ASPDH: variants seen among roughly 807,000 people sequenced by gnomAD.
ASPDH encodes the protein aspartate dehydrogenase domain containing, also known as aspartate dehydrogenase domain-containing protein.
In ASPDH, 25 loss-of-function variants were observed where a neutral mutation model predicts 30.5. The ratio of observed to expected loss-of-function variants is 0.82; its 90% confidence interval spans 0.60 to 1.14. The LOEUF is 1.14. Ranked by LOEUF, ASPDH falls within the 50% of genes most tolerant of loss-of-function variation. The pLI is 0.00. For synonymous variants in ASPDH, 168 were observed against 156.3 expected (o/e 1.07, Z -0.56); for missense variants, 401 against 381.5 (o/e 1.05, Z -0.43).
chr19:50,514,377 G>C (rs978708940), upstream of ASPDH: 1 of 1,524,296 alleles, frequency 6.6e-7, no homozygotes, highest in Non-Finnish European at 9.1e-7. Flanking sequence ...TTGCCTCAGC[G>C]GGTCCAACCT....
In ASPDH at chr19:50,512,745, G is replaced by C; in HGVS notation, c.348C>G (p.His116Gln). Residue 116 changes from histidine (H) to glutamine (Q), a missense_variant, in exon 4 of 7, where the codon CAC (histidine) becomes CAG (glutamine). His to Gln is a conservative substitution (Grantham distance 24). Coordinates refer to ENST00000389208, the MANE Select transcript of ASPDH (RefSeq NM_001114598.2). ...GGGCCACAAACACGGCGTGGTCCCAGTGCTGTGAGGCCTCCAAGAGCTGCC... is the reference window on the plus strand; with the variant it reads ...GGGCCACAAACACGGCGTGGTCCCACTGCTGTGAGGCCTCCAAGAGCTGCC... ...TERQLLEASQHWDHAVFVARG... is the reference protein window; with the variant it reads ...TERQLLEASQQWDHAVFVARG... The C allele has an allele frequency of 6.4e-7, 1 of 1,557,826 alleles. No homozygotes were observed. The highest frequency in any genetic ancestry group is 1.2e-5 in the South Asian group (1 of 85,228).
chr19:50,512,285 G>T lies in ASPDH; in HGVS notation c.659C>A (p.Thr220Lys), dbSNP rs991865104. The T allele has an allele frequency of 6.2e-7, 1 of 1,613,774 alleles. No individual in the cohort carries two copies. The highest frequency in any genetic ancestry group is 2.2e-5 in the East Asian group (1 of 44,884). Reference protein sequence around the residue: ...IGVLVADTSLTDMHVVDVELS... With the variant: ...IGVLVADTSLKDMHVVDVELS... ...CTCTACATCCACCACGTGCATGTCCGTGAGGCTGGGACAAGAGGGGCAGTC... is the reference window on the plus strand; with the variant it reads ...CTCTACATCCACCACGTGCATGTCCTTGAGGCTGGGACAAGAGGGGCAGTC... Residue 220 changes from threonine (T) to lysine (K), a missense_variant, in exon 6 of 7, where the codon ACG (threonine) becomes AAG (lysine). Coordinates refer to ENST00000389208, the MANE Select transcript of ASPDH (RefSeq NM_001114598.2).
Position 50,513,125 on chromosome 19 carries a change from A to C in ASPDH, c.198-114T>G. 7.9e-7 allele frequency: 1 copy of C among 1,271,860 alleles called. No homozygotes were observed. Among genetic ancestry groups the C allele is most frequent in the Non-Finnish European group, 1.1e-6 (1 of 919,284 alleles). 78.8% of individuals were successfully genotyped at this position (1,271,860 alleles called of 1,614,324 possible). A position where few individuals can be genotyped will look rare whatever the true frequency, so the allele number is the denominator to read the frequency against. On this transcript the variant is annotated intron_variant, in intron 2 of 6. Coordinates refer to ENST00000389208, the MANE Select transcript of ASPDH (RefSeq NM_001114598.2). The surrounding 1 kb of genome is among the most constrained non-coding windows in gnomAD (Gnocchi z 4.9). ...CTTCTTCTCCCTGACCTGGGAGGCG[A>C]AATGAGATGAATGGGTTCGTCCTGT...
rs773752899 is a variant in ASPDH, at chr19:50,512,164, G to T, written c.780C>A (p.Thr260=). Residue 260 remains threonine (T), a synonymous_variant, in exon 6 of 7, where the codon ACC becomes ACA. Coordinates refer to ENST00000389208, the MANE Select transcript of ASPDH (RefSeq NM_001114598.2). ...AEPGAVTGSA[T]VTAFWQSLLA... is the part of the protein sequence containing the mutation. ...GGAGGCTCTGCCAGAAGGCCGTGAC[G>T]GTGGCGGAGCCGGTGACCGCGCCTG... is the stretch of plus-strand genomic sequence containing the variant. 6.3e-7 allele frequency: 1 copy of T among 1,584,554 alleles called. No individual in the cohort carries two copies. The highest frequency in any genetic ancestry group is 1.1e-5 in the South Asian group (1 of 88,316).
chr19:50,512,030 G>C, intron 6 of ASPDH, 106 bp downstream of exon 6: 1 of 985,104 alleles, frequency 1.0e-6, no homozygotes, highest in South Asian at 1.7e-5. Flanking sequence ...AAGAAAGAAA[G>C]GTCAACAAAT....
Position 50,512,929 on chromosome 19 carries a change from G to A in ASPDH, c.280C>T (p.Leu94=), listed in dbSNP as rs759824880. ...TAAATGGTTGGGGTGGGGCTTACCA[G>A]GAGATTGGCATGGCGCAGGATTTGT... ...GAQILRHANL[L]VGSPSALSDQ... Residue 94 remains leucine, a splice_region_variant and synonymous_variant, in exon 3 of 7, where the codon CTG becomes TTG. Transcript: ENST00000389208. The A allele has an allele frequency of 6.2e-7, 1 of 1,612,972 alleles. No individual in the cohort carries two copies. Among genetic ancestry groups the A allele is most frequent in the Admixed American group, 1.7e-5 (1 of 59,852 alleles).
In ASPDH at chr19:50,513,459, G is replaced by A. The variant is rs1980086802; in HGVS notation, c.53-43C>T. On this transcript the variant is annotated intron_variant, in intron 1 of 6. Coordinates refer to ENST00000389208, the MANE Select transcript of ASPDH (RefSeq NM_001114598.2). The surrounding 1 kb of genome is among the most constrained non-coding windows in gnomAD (Gnocchi z 4.9). ...AGAGGGCTAGAGATCCAGAGAGAGG[G>A]GGACAGAGACCCAGAGAGAGAGGAG... is the stretch of plus-strand genomic sequence containing the variant. The A allele has an allele frequency of 4.1e-6, 6 of 1,451,182 alleles. No homozygotes were observed. Among genetic ancestry groups the A allele is most frequent in the African/African-American group, 2.9e-5 (2 of 67,850 alleles). 89.9% of individuals were successfully genotyped at this position (1,451,182 alleles called of 1,614,324 possible).
Position 50,513,808 on chromosome 19 carries a change from G to A in ASPDH, c.16C>T (p.Pro6Ser), listed in dbSNP as rs767251459. The A allele has an allele frequency of 1.9e-6, 3 of 1,550,724 alleles. No individual in the cohort carries two copies. The South Asian group carries it at 3.6e-5, about 18-fold the overall frequency. MADRG[P>S]WRVGVVGYGR... ...TAGCCCACCACGCCCACCCTCCACG[G>A]GCCCCTGTCGGCCATGGCCCTGAGT... Residue 6 changes from proline (P) to serine (S), a missense_variant, in exon 1 of 7, where the codon CCG becomes TCG. Pro to Ser is a moderately conservative substitution (Grantham distance 74). Coordinates refer to ENST00000389208, the MANE Select transcript of ASPDH (RefSeq NM_001114598.2). The surrounding 1 kb of genome is among the most constrained non-coding windows in gnomAD (Gnocchi z 4.9).
upstream of ASPDH, chr19:50,514,587 G>A: frequency 1.2e-6 from 2 of 1,611,864 alleles, no homozygotes; most frequent in East Asian, 2.2e-5. Flanking sequence ...CGTCAGCCCA[G>A]GAGAAGCCTT....
upstream of ASPDH, chr19:50,514,817 G>GGGGGGGGGGGGGGGGGGCC: frequency 2.1e-6 from 1 of 466,782 alleles, no homozygotes; most frequent in Non-Finnish European, 3.3e-6. Flanking sequence ...GGGGGGGCGG[G>GGGGGGGGGGGGGGGGGGCC]CACTGGGTGG....
chr19:50,512,825 G>A lies in ASPDH; in HGVS notation c.283-15C>T. On this transcript the variant is annotated splice_polypyrimidine_tract_variant and intron_variant, in intron 3 of 6. Transcript: ENST00000389208. Reference sequence around the variant, plus strand: ...GGGGACCCCACCTGGGGTGGATGAAGGAGGGGAGGGTTGAGGTCAGGGAAG... The same window carrying A: ...GGGGACCCCACCTGGGGTGGATGAAAGAGGGGAGGGTTGAGGTCAGGGAAG... 6.2e-7 allele frequency: 1 copy of A among 1,601,990 alleles called. No individual in the cohort carries two copies. Among genetic ancestry groups the A allele is most frequent in the East Asian group, 2.2e-5 (1 of 44,742 alleles).
chr19:50,514,384 A>G (rs1411915271), upstream of ASPDH: 7 of 1,561,616 alleles, frequency 4.5e-6, no homozygotes, highest in Non-Finnish European at 6.2e-6. Context: ...AGCGGGTCCA[A>G]CCTCCCTAGC....
intron 6 of ASPDH, 32 bp downstream of exon 6, chr19:50,512,104 C>G: frequency 2.0e-6 from 3 of 1,504,178 alleles, no homozygotes; most frequent in Non-Finnish European, 1.8e-6. Flanking sequence ...AACACAGGAG[C>G]CCAGGGCCGG....
chr19:50,512,600 T>A lies in ASPDH; in HGVS notation c.433-20A>T. 6.6e-7 allele frequency: 1 copy of A among 1,515,918 alleles called. No individual in the cohort carries two copies. The highest frequency in any genetic ancestry group is 1.3e-5 in the South Asian group (1 of 75,984). 93.9% of individuals were successfully genotyped at this position (1,515,918 alleles called of 1,614,324 possible). A position where few individuals can be genotyped will look rare whatever the true frequency, so the allele number is the denominator to read the frequency against. On this transcript the variant is annotated intron_variant, in intron 4 of 6. Coordinates refer to ENST00000389208, the MANE Select transcript of ASPDH (RefSeq NM_001114598.2). ...AAGGCTCTGGAAGCAAGAGCCCGGG[T>A]TAGGGGGAGTGGGGTCTTTGCAGGC... is the stretch of plus-strand genomic sequence containing the variant.
chr19:50,514,465 T>C, upstream of ASPDH: 1 of 1,614,056 alleles, frequency 6.2e-7, no homozygotes, highest in Non-Finnish European at 8.5e-7. Flanking sequence ...GCTCTGATCA[T>C]CCTTCAGTTC....
upstream of ASPDH, chr19:50,514,499 C>T (rs369089092): frequency 7.4e-6 from 12 of 1,614,076 alleles, no homozygotes; most frequent in Admixed American, 5.0e-5. Flanking sequence ...ACCTTTCACT[C>T]TGTCCCCCAT....
In ASPDH at chr19:50,511,614, G is replaced by T; in HGVS notation, c.*116C>A. The T allele has an allele frequency of 3.6e-6, 2 of 549,766 alleles. No individual in the cohort carries two copies. Among genetic ancestry groups the T allele is most frequent in the Admixed American group, 4.1e-5 (1 of 24,536 alleles). 34.1% of individuals were successfully genotyped at this position (549,766 alleles called of 1,614,324 possible). On this transcript the variant is annotated 3_prime_UTR_variant, in exon 7 of 7. Transcript: ENST00000389208. ...ACGCCAGGCGGTGCGGGGGGAGGCA[G>T]CGGTGATCTTTACTGAGTCAGAAGG... is the stretch of plus-strand genomic sequence containing the variant.
chr19:50,514,817 G>GCCC, upstream of ASPDH: 2 of 466,604 alleles, frequency 4.3e-6, no homozygotes, highest in Non-Finnish European at 3.3e-6. Context: ...GGGGGGGCGG[G>GCCC]CACTGGGTGG....
At chr19:50,514,071 C>T (rs1286576181), upstream of ASPDH, among the ~76,000 whole-genome samples, 2 of 152,158 alleles carry the variant, frequency 1.3e-5, no homozygotes, top group Non-Finnish European at 2.9e-5. Flanking sequence ...TCTGGGAACC[C>T]TGCGTGCCCC....
Sources: gnomAD v4.1 joint callset for allele counts (sites outside exome capture counted in the v4.1 genomes callset) on GRCh38, gnomAD v4.1.1 for gene constraint, Gnocchi (gnomAD v3.1) non-coding constraint, MANE v1.5 for transcripts, NCBI Gene and HGNC (gene_info 2026-07-23, HGNC 2026-07-21) for gene names.